FOXJ3: variants seen among roughly 807,000 people sequenced by gnomAD.
FOXJ3 encodes forkhead box J3, also known as forkhead box protein J3.
In FOXJ3, 22 loss-of-function variants were observed where a neutral mutation model predicts 76.1. The observed-to-expected ratio is 0.29, with a 90% CI of 0.21 to 0.41. FOXJ3 has a LOEUF of 0.41. FOXJ3 is among the 10% of genes least tolerant of loss of function. The probability of loss-of-function intolerance (pLI) is 1.00; values close to 1 mark genes in which losing one functional copy is unlikely to be tolerated. For missense variants in FOXJ3, 613 were observed against 762.1 expected (o/e 0.80, Z 2.30); for synonymous variants, 269 against 261.2 (o/e 1.03, Z -0.29).
chr1:42,200,064 A>G (rs1340126538), intron 6 of FOXJ3, among the ~76,000 whole-genome samples: 1 of 150,500 alleles, frequency 6.6e-6, no homozygotes, highest in Non-Finnish European at 1.5e-5. Flanking sequence ...AATACATATT[A>G]TCACGAATAG....
rs140655647 is a variant in FOXJ3 at position 42,241,212 on chromosome 1, G to A, written c.445-13246C>T. The stretch of plus-strand genomic sequence containing the variant: ...CTGAGACTAGCATAGGGAGCTTCCT[G>A]ACAGCTCCACCAGGGTCTGAAGCAC... On this transcript the variant is annotated intron_variant, in intron 4 of 12. Coordinates refer to ENST00000361346, the MANE Select transcript of FOXJ3 (RefSeq NM_014947.5). 8.8e-4 allele frequency among the ~76,000 whole-genome samples: 134 copies of A among 152,204 alleles called. 1 individual carries two copies. The East Asian group carries it at 0.022, about 25-fold the overall frequency.
intron 1 of FOXJ3, among the ~76,000 whole-genome samples, chr1:42,327,550 T>C (rs148686587): frequency 3.2e-4 from 48 of 152,218 alleles, no homozygotes; most frequent in Non-Finnish European, 6.0e-4. Flanking sequence ...CCCCTCTCTC[T>C]GTAAGCAAAC....
chr1:42,238,564 T>C lies in FOXJ3; in HGVS notation c.445-10598A>G, dbSNP rs574259241. Among the ~76,000 whole-genome samples, 3 of 152,238 alleles carry C rather than the reference T, an allele frequency of 2.0e-5. No individual in the cohort carries two copies. The South Asian group carries it at 6.2e-4, about 32-fold the overall frequency. On this transcript the variant is annotated intron_variant, in intron 4 of 12. Coordinates refer to ENST00000361346, the MANE Select transcript of FOXJ3 (RefSeq NM_014947.5). ...TTCTAAAAATGAAACCTATGAGGAA[T>C]TATTTTTTCCCTTTTTGAGATAGGG...
intron 4 of FOXJ3, among the ~76,000 whole-genome samples, chr1:42,243,754 C>G (rs1402281876): frequency 6.6e-6 from 1 of 151,954 alleles, no homozygotes; most frequent in Non-Finnish European, 1.5e-5. Context: ...AACACTGGAG[C>G]AACCAGATAC....
chr1:42,324,577 C>CA (rs1655717775), intron 1 of FOXJ3, among the ~76,000 whole-genome samples: 1 of 151,962 alleles, frequency 6.6e-6, no homozygotes, highest in East Asian at 1.9e-4. Context: ...GTACAAACGT[C>CA]AGAGTGTACT....
chr1:42,237,427 T>TATATATATATATATATATAC (rs1166082659), intron 4 of FOXJ3, among the ~76,000 whole-genome samples: 15 of 129,914 alleles, frequency 1.2e-4, no homozygotes, highest in African/African-American at 2.4e-4. Context: ...TATATATATA[T>TATATATATATATATATATAC]ACATACATAC....
chr1:42,326,318 G>A (rs1006918943), intron 1 of FOXJ3, among the ~76,000 whole-genome samples: 21 of 152,124 alleles, frequency 1.4e-4, no homozygotes, highest in South Asian at 2.1e-4. Flanking sequence ...AACTGTATAC[G>A]TTTTCTTTGA....
At chr1:42,219,175 T>TTTAAA (rs1190351847) in intron 5 of FOXJ3, among the ~76,000 whole-genome samples, 1 of 152,180 alleles carries the variant, frequency 6.6e-6, no homozygotes, top group Non-Finnish European at 1.5e-5. Flanking sequence ...CAATTCATGT[T>TTTAAA]TTAAATTGCA....
chr1:42,311,810 C>T (rs1238683962), intron 1 of FOXJ3, among the ~76,000 whole-genome samples: 4 of 152,138 alleles, frequency 2.6e-5, no homozygotes, highest in South Asian at 2.1e-4. Flanking sequence ...TCATCTGTAA[C>T]GTGGGGCTAA....
chr1:42,324,090 T>TGTATATACACTGTGTATATATA (rs758886964), intron 1 of FOXJ3, among the ~76,000 whole-genome samples: 1 of 87,340 alleles, frequency 1.1e-5, no homozygotes, highest in Admixed American at 1.1e-4. Flanking sequence ...GTATATATAC[T>TGTATATACACTGTGTATATATA]GTATATATAC....
intron 4 of FOXJ3, among the ~76,000 whole-genome samples, chr1:42,230,733 G>A (rs573152416): frequency 6.6e-6 from 1 of 152,252 alleles, no homozygotes; most frequent in African/African-American, 2.4e-5. Context: ...TAGAGAAACT[G>A]AAACTCTTAT....
chr1:42,282,108 T>TG (rs994487414), intron 2 of FOXJ3, among the ~76,000 whole-genome samples: 1 of 150,032 alleles, frequency 6.7e-6, no homozygotes, highest in Non-Finnish European at 1.5e-5. Flanking sequence ...ATTAGTGGAA[T>TG]GGTGATGACA....
At chr1:42,317,210 G>C (rs1655169061) in intron 1 of FOXJ3, among the ~76,000 whole-genome samples, 1 of 151,964 alleles carries the variant, frequency 6.6e-6, no homozygotes, top group South Asian at 2.1e-4. Context: ...AAACTTGACT[G>C]AACATTTCAG....
intron 3 of FOXJ3, among the ~76,000 whole-genome samples, chr1:42,277,827 A>AAAAC (rs1557694515): frequency 7.1e-6 from 1 of 141,838 alleles, no homozygotes; most frequent in Non-Finnish European, 1.5e-5. Flanking sequence ...AAAAAAAAAA[A>AAAAC]TCTGCTGGGC....
At chr1:42,321,559 C>A (rs1570252287) in intron 1 of FOXJ3, among the ~76,000 whole-genome samples, 1 of 152,036 alleles carries the variant, frequency 6.6e-6, no homozygotes, top group Non-Finnish European at 1.5e-5. Flanking sequence ...GATGTATGTA[C>A]CAGGACTCTT....
chr1:42,284,280 T>C lies in FOXJ3; in HGVS notation c.45-5608A>G, dbSNP rs1485052804. ...CCGATACTGACGGTTGGAAAGCTGATTACAAAGAATTTGGTCGAACTGTTA... is the reference window on the plus strand; with the variant it reads ...CCGATACTGACGGTTGGAAAGCTGACTACAAAGAATTTGGTCGAACTGTTA... On this transcript the variant is annotated intron_variant, in intron 2 of 12. Transcript: ENST00000361346. Among the ~76,000 whole-genome samples, 3 of 152,264 alleles carry C rather than the reference T, an allele frequency of 2.0e-5. No homozygotes were observed. The East Asian group carries it at 5.8e-4, about 29-fold the overall frequency.
intron 1 of FOXJ3, among the ~76,000 whole-genome samples, chr1:42,324,507 T>C (rs1009486491): frequency 6.6e-6 from 1 of 151,828 alleles, no homozygotes; most frequent in South Asian, 2.1e-4. Context: ...AGTACAGTGA[T>C]GCATCGCTTA....
intron 2 of FOXJ3, among the ~76,000 whole-genome samples, chr1:42,295,417 G>C (rs1557706068): frequency 6.6e-6 from 1 of 151,598 alleles, no homozygotes; most frequent in African/African-American, 2.4e-5. Context: ...AGTACTCCAT[G>C]GTATCTGTAT....
intron 3 of FOXJ3, among the ~76,000 whole-genome samples, chr1:42,276,991 G>GT (rs1557693624): frequency 6.6e-6 from 1 of 152,160 alleles, no homozygotes; most frequent in Non-Finnish European, 1.5e-5. Flanking sequence ...GATTACAGGC[G>GT]TGAGCCACCA....
Sources: allele counts gnomAD v4.1 joint callset (sites outside exome capture counted in the v4.1 genomes callset), GRCh38; gene constraint gnomAD v4.1.1; transcripts MANE v1.5; gene names NCBI Gene and HGNC (gene_info 2026-07-23, HGNC 2026-07-21).